The following MIB1 variants were observed in gnomAD, a reference collection of about 807,000 sequenced individuals.
MIB1 encodes the protein E3 ubiquitin-protein ligase MIB1.
In MIB1, 278 loss-of-function variants were observed where a neutral mutation model predicts 124.5. That is an observed-to-expected ratio of 2.23 (90% CI 2.02 to 2.47). The LOEUF is 2.47. Among genes scored for constraint, MIB1 ranks in the 30% most tolerant of loss-of-function variants. The pLI is 0.00. For missense variants in MIB1, 957 were observed against 1,254.4 expected (o/e 0.76, Z 3.58); for synonymous variants, 446 against 429.4 (o/e 1.04, Z -0.48).
chr18:21,710,916 T>C (rs1319525190), intron 1 of MIB1, among the ~76,000 whole-genome samples: 1 of 150,310 alleles, frequency 6.7e-6, no homozygotes, highest in Non-Finnish European at 1.5e-5. Context: ...GACCTCTGGC[T>C]ACCTGGTTCG....
At chr18:21,725,257 G>C (rs2040736329) in intron 1 of MIB1, among the ~76,000 whole-genome samples, 1 of 152,080 alleles carries the variant, frequency 6.6e-6, no homozygotes, top group South Asian at 2.1e-4. Flanking sequence ...GGCGCATTCT[G>C]TCTTAGGAAC....
In MIB1 at chr18:21,870,346, G is replaced by A. The variant is rs187237440; in HGVS notation, c.*5680G>A. Reference sequence around the variant, plus strand: ...TGTACATCTTCAATTCAGCATAAGTGTCCACATCTAGAAGGCTCTCATTGC... The same window carrying A: ...TGTACATCTTCAATTCAGCATAAGTATCCACATCTAGAAGGCTCTCATTGC... On this transcript the variant is annotated 3_prime_UTR_variant, in exon 21 of 21. Coordinates refer to ENST00000261537, the MANE Select transcript of MIB1 (RefSeq NM_020774.4). The A allele has an allele frequency of 6.6e-6, 1 of 152,236 alleles. No individual in the cohort carries two copies. The highest frequency in any genetic ancestry group is 1.9e-4 in the East Asian group (1 of 5,194). The allele number at this position is 152,236 out of a possible 1,614,324, so 9.4% of individuals were successfully genotyped here.
At position 21,754,646 on chromosome 18, in the gene MIB1, A is replaced by G. The variant is rs185171081; in HGVS notation, c.230-11126A>G. Among the ~76,000 whole-genome samples the G allele has an allele frequency of 1.5e-3, 236 of 152,336 alleles. 2 individuals are homozygous for G. The highest frequency in any genetic ancestry group is 0.012 in the South Asian group (60 of 4,822). On this transcript the variant is annotated intron_variant, in intron 1 of 20. Transcript: ENST00000261537. The stretch of plus-strand genomic sequence containing the variant: ...AGTAAAAAGGTGAAAGTTCTCAGGG[A>G]AAGAGGAAAAAATCCTATGCTGAGG...
chr18:21,783,391 C>A (rs918416930), intron 6 of MIB1, among the ~76,000 whole-genome samples: 1 of 151,898 alleles, frequency 6.6e-6, no homozygotes, highest in African/African-American at 2.4e-5. Flanking sequence ...TACAGGTGCC[C>A]TCCACCAAGC....
At chr18:21,717,341 A>G (rs1023638314) in intron 1 of MIB1, among the ~76,000 whole-genome samples, 1 of 152,226 alleles carries the variant, frequency 6.6e-6, no homozygotes, top group Admixed American at 6.5e-5. Flanking sequence ...TTAGGCAAGG[A>G]TTTCATGACC....
At chr18:21,757,383 C>T (rs777575875) in intron 1 of MIB1, among the ~76,000 whole-genome samples, 48 of 113,810 alleles carry the variant, frequency 4.2e-4, no homozygotes, top group Non-Finnish European at 6.8e-4. Context: ...ACCTGGGAGA[C>T]GGAGGTTGCA....
intron 4 of MIB1, among the ~76,000 whole-genome samples, chr18:21,775,149 G>A (rs1347005081): frequency 1.3e-5 from 2 of 151,714 alleles, no homozygotes; most frequent in Non-Finnish European, 2.9e-5. Context: ...ATTTCACTGT[G>A]TTAGCCAGGA....
At chr18:21,731,733 CAAAAAAAA>C (rs1229088832) in intron 1 of MIB1, among the ~76,000 whole-genome samples, 1 of 35,896 alleles carries the variant, frequency 2.8e-5, no homozygotes, top group Non-Finnish European at 5.0e-5. Context: ...CCCCGTCTCA[CAAAAAAAA>C]AAAAAAAAAA....
chr18:21,773,776 G>A, intron 4 of MIB1, 48 bp downstream of exon 4: 1 of 1,111,152 alleles, frequency 9.0e-7, no homozygotes, highest in Non-Finnish European at 1.3e-6. Context: ...TTGGATGGGT[G>A]AATAGCTCTT....
intron 1 of MIB1, among the ~76,000 whole-genome samples, chr18:21,745,971 G>A (rs551958198): frequency 1.3e-5 from 2 of 152,202 alleles, no homozygotes; most frequent in East Asian, 3.9e-4. Context: ...CTCCCAAAGT[G>A]CTGGGATTAC....
intron 1 of MIB1, among the ~76,000 whole-genome samples, chr18:21,757,310 G>A (rs957693813): frequency 6.6e-6 from 1 of 151,110 alleles, no homozygotes; most frequent in Admixed American, 6.6e-5. Flanking sequence ...AAATTAGCCG[G>A]TTGTGGTGGC....
At chr18:21,790,606 G>T (rs966306775) in intron 6 of MIB1, among the ~76,000 whole-genome samples, 1 of 151,998 alleles carries the variant, frequency 6.6e-6, no homozygotes, top group African/African-American at 2.4e-5. Context: ...CCCATTTATG[G>T]AAAACAACTA....
intron 1 of MIB1, among the ~76,000 whole-genome samples, chr18:21,745,390 G>A (rs1294613204): frequency 6.6e-6 from 1 of 152,144 alleles, no homozygotes; most frequent in African/African-American, 2.4e-5. Context: ...AGCAGCAGTA[G>A]CACCCCACCT....
intron 16 of MIB1, 48 bp downstream of exon 16, chr18:21,847,173 A>G (rs1345720614): frequency 6.7e-7 from 1 of 1,496,586 alleles, no homozygotes; most frequent in Admixed American, 1.8e-5. Context: ...TACAGAAAAT[A>G]TCATGTGGTT....
In MIB1 at chr18:21,868,106, T is replaced by G. The variant is rs2042332983; in HGVS notation, c.*3440T>G. Reference sequence around the variant, plus strand: ...TGTAAAAAATTGAATTTTTGAATAGTTTTTTGTATTTTTTGTGATGAAAAA... The same window carrying G: ...TGTAAAAAATTGAATTTTTGAATAGGTTTTTGTATTTTTTGTGATGAAAAA... On this transcript the variant is annotated 3_prime_UTR_variant, in exon 21 of 21. Transcript: ENST00000261537. The G allele has an allele frequency of 6.6e-6, 1 of 152,016 alleles. No homozygotes were observed. Among genetic ancestry groups the G allele is most frequent in the African/African-American group, 2.4e-5 (1 of 41,424 alleles). 9.4% of individuals were successfully genotyped at this position (152,016 alleles called of 1,614,324 possible). A position where few individuals can be genotyped will look rare whatever the true frequency, so the allele number is the denominator to read the frequency against.
chr18:21,728,472 G>T (rs2040752960), intron 1 of MIB1, among the ~76,000 whole-genome samples: 1 of 152,084 alleles, frequency 6.6e-6, no homozygotes, highest in Admixed American at 6.5e-5. Context: ...TAGCCTGGGA[G>T]ACGAGAAAAA....
At chr18:21,719,104 T>C (rs2040702645) in intron 1 of MIB1, among the ~76,000 whole-genome samples, 1 of 151,640 alleles carries the variant, frequency 6.6e-6, no homozygotes, top group African/African-American at 2.4e-5. Context: ...AGGAGAATCG[T>C]TTGAACCCAG....
Position 21,741,854 on chromosome 18 carries a change from G to A in MIB1, c.229+42G>A. The A allele has an allele frequency of 6.7e-7, 1 of 1,500,838 alleles. No homozygotes were observed. Among genetic ancestry groups the A allele is most frequent in the South Asian group, 1.3e-5 (1 of 79,528 alleles). The allele number at this position is 1,500,838 out of a possible 1,614,324, so 93.0% of individuals were successfully genotyped here. Reference sequence around the variant, plus strand: ...TGGCCAGGGCTTGCGCGCGCGGGGGGAAGGGGCGAGCTGCGGTGGGCGTCG... The same window carrying A: ...TGGCCAGGGCTTGCGCGCGCGGGGGAAAGGGGCGAGCTGCGGTGGGCGTCG... On this transcript the variant is annotated intron_variant, in intron 1 of 20. Transcript: ENST00000261537. This position sits in a 1 kb window ranked among gnomAD's most constrained non-coding sequence, Gnocchi z 5.4.
intron 1 of MIB1, among the ~76,000 whole-genome samples, chr18:21,706,142 C>G (rs1007717410): frequency 1.3e-5 from 2 of 152,100 alleles, no homozygotes; most frequent in African/African-American, 2.4e-5. Context: ...AGTGCAATGG[C>G]GAGATCTCGG....
Sources: allele counts gnomAD v4.1 joint callset (sites outside exome capture counted in the v4.1 genomes callset), GRCh38; gene constraint gnomAD v4.1.1; non-coding constraint Gnocchi (gnomAD v3.1); transcripts MANE v1.5; gene names NCBI Gene and HGNC (gene_info 2026-07-23, HGNC 2026-07-21).